APBA1: variants seen among roughly 807,000 people sequenced by gnomAD.
The protein encoded by APBA1 is amyloid-beta A4 precursor protein-binding family A member 1.
In APBA1, 55 loss-of-function variants were observed where a neutral mutation model predicts 86.6. That is an observed-to-expected ratio of 0.64 (90% CI 0.51 to 0.80). The LOEUF (loss-of-function observed/expected upper bound fraction) is 0.80. Ranked by LOEUF, APBA1 falls within the 30% of genes least tolerant of loss-of-function variation. APBA1 has a pLI of 0.00. For missense variants in APBA1, 1,090 were observed against 1,183.0 expected (o/e 0.92, Z 1.15); for synonymous variants, 511 against 493.9 (o/e 1.03, Z -0.46).
At chr9:69,631,620 G>T (rs912633881) in intron 1 of APBA1, among the ~76,000 whole-genome samples, 26 of 152,178 alleles carry the variant, frequency 1.7e-4, no homozygotes, top group African/African-American at 6.0e-4. Flanking sequence ...TGTTTATTGC[G>T]GCACTATTCA....
intron 2 of APBA1, among the ~76,000 whole-genome samples, chr9:69,491,215 A>T (rs1376759427): frequency 6.6e-6 from 1 of 152,118 alleles, no homozygotes; most frequent in Non-Finnish European, 1.5e-5. Context: ...CAAATGTCCA[A>T]CAATGATAGA....
At chr9:69,642,741 A>G (rs1051189107) in intron 1 of APBA1, among the ~76,000 whole-genome samples, 11 of 151,898 alleles carry the variant, frequency 7.2e-5, no homozygotes, top group Non-Finnish European at 1.5e-4. Flanking sequence ...GACTTTGAGT[A>G]AAGCAGATTG....
At chr9:69,604,499 T>G (rs1588389489) in intron 1 of APBA1, among the ~76,000 whole-genome samples, 2 of 122,218 alleles carry the variant, frequency 1.6e-5, no homozygotes, top group Admixed American at 1.7e-4. Context: ...GAGAGGCACA[T>G]GAGTGTGGGC....
At chr9:69,648,207 T>C (rs1823428000) in intron 1 of APBA1, among the ~76,000 whole-genome samples, 1 of 152,182 alleles carries the variant, frequency 6.6e-6, no homozygotes, top group Admixed American at 6.5e-5. Flanking sequence ...AAGAGCAGTG[T>C]CCTTGGGGAA....
chr9:69,494,924 A>G (rs10217407), intron 2 of APBA1, among the ~76,000 whole-genome samples: 23,302 of 152,112 alleles, frequency 0.15, 2,470 homozygotes, highest in East Asian at 0.28. Context: ...CAGTTCTTAC[A>G]TGCAAGGCAC....
At chr9:69,535,027 C>T (rs965574067) in intron 1 of APBA1, among the ~76,000 whole-genome samples, 11 of 152,094 alleles carry the variant, frequency 7.2e-5, no homozygotes, top group Admixed American at 6.6e-4. Context: ...CCCCTTCTAC[C>T]TCCCACCTGC....
intron 1 of APBA1, among the ~76,000 whole-genome samples, chr9:69,601,024 A>G (rs1822341158): frequency 6.6e-6 from 1 of 151,986 alleles, no homozygotes; most frequent in Admixed American, 6.5e-5. Flanking sequence ...AGGTATCCCT[A>G]GTATAATTTT....
intron 1 of APBA1, among the ~76,000 whole-genome samples, chr9:69,658,162 C>T (rs955887756): frequency 2.0e-5 from 3 of 152,164 alleles, no homozygotes; most frequent in Admixed American, 6.5e-5. Context: ...TAATAGCTCC[C>T]TTGGTTACCC....
intron 1 of APBA1, among the ~76,000 whole-genome samples, chr9:69,571,689 TTC>T (rs1249140154): frequency 2.0e-5 from 3 of 152,252 alleles, no homozygotes; most frequent in African/African-American, 7.2e-5. Flanking sequence ...TTAAATTTTT[TTC>T]TGTTTCTAGT....
rs1564099121 is a variant in APBA1, at chr9:69,636,987, A to AAAGAAAGAAAGAAAG, written c.-70+35165_-70+35166insCTTTCTTTCTTTCTT. Among the ~76,000 whole-genome samples the AAAGAAAGAAAGAAAG allele has an allele frequency of 1.9e-4, 18 of 96,412 alleles. 1 individual carries two copies. Among genetic ancestry groups the AAAGAAAGAAAGAAAG allele is most frequent in the South Asian group, 3.5e-4 (1 of 2,828 alleles). The allele number at this position is 96,412 out of a possible 152,430, so 63.3% of individuals were successfully genotyped here. ...AGAAAGAAAGAAAGAAAGAAAGAAA[A>AAAGAAAGAAAGAAAG]ATGTGATACATATACACAGTGGAGT... On this transcript the variant is annotated intron_variant, in intron 1 of 12. Transcript: ENST00000265381.
intron 1 of APBA1, among the ~76,000 whole-genome samples, chr9:69,596,212 C>T (rs1822225217): frequency 1.3e-5 from 2 of 152,288 alleles, no homozygotes; most frequent in South Asian, 4.1e-4. Context: ...GCATTGAACT[C>T]CTGGGCTCAA....
intron 2 of APBA1, among the ~76,000 whole-genome samples, chr9:69,499,945 G>C (rs2046921017): frequency 6.6e-6 from 1 of 152,086 alleles, no homozygotes; most frequent in Admixed American, 6.6e-5. Context: ...ATGGTTTCCT[G>C]CTTCAAAATA....
intron 1 of APBA1, among the ~76,000 whole-genome samples, chr9:69,547,363 G>T (rs529072479): frequency 1.3e-5 from 2 of 152,296 alleles, no homozygotes; most frequent in South Asian, 4.2e-4. Context: ...AGGCAACAGG[G>T]ACAGGGCATA....
At chr9:69,627,199 C>CA (rs1455392652) in intron 1 of APBA1, among the ~76,000 whole-genome samples, 4 of 152,130 alleles carry the variant, frequency 2.6e-5, no homozygotes, top group Admixed American at 1.3e-4. Flanking sequence ...TTTAAATACC[C>CA]AAAAAATTAC....
At chr9:69,627,869 C>T (rs1403133288) in intron 1 of APBA1, among the ~76,000 whole-genome samples, 2 of 152,162 alleles carry the variant, frequency 1.3e-5, no homozygotes, top group African/African-American at 4.8e-5. Context: ...GATGCAACGG[C>T]TAACAGGCAC....
At position 69,431,450 on chromosome 9, in the gene APBA1, C is replaced by T. The variant is rs376428395; in HGVS notation, c.2443-52G>A. 198 of 1,525,766 alleles carry T rather than the reference C, an allele frequency of 1.3e-4. 1 individual carries two copies. In the African/African-American group the frequency reaches 1.9e-3, roughly 15 times the overall value. 94.5% of individuals were successfully genotyped at this position (1,525,766 alleles called of 1,614,324 possible). A position where few individuals can be genotyped will look rare whatever the true frequency, so the allele number is the denominator to read the frequency against. On this transcript the variant is annotated intron_variant, in intron 12 of 12. Coordinates refer to ENST00000265381, the MANE Select transcript of APBA1 (RefSeq NM_001163.4). ...GGGGGCTGAGGCTGGGGGCTGGCTG[C>T]GTGGGCACTGCCCAGGGCTGGCCAG... is the stretch of plus-strand genomic sequence containing the variant.
chr9:69,451,646 T>C (rs1271723106), intron 9 of APBA1, among the ~76,000 whole-genome samples: 3 of 152,168 alleles, frequency 2.0e-5, no homozygotes, highest in African/African-American at 7.2e-5. Flanking sequence ...GATAGCCTCA[T>C]CTTCCTACAG....
In APBA1 at chr9:69,482,807, A is replaced by G. The variant is rs556190413; in HGVS notation, c.1201-6664T>C. 8.4e-4 allele frequency among the ~76,000 whole-genome samples: 128 copies of G among 151,982 alleles called. 1 individual carries two copies. Among genetic ancestry groups the G allele is most frequent in the African/African-American group, 3.0e-3 (123 of 41,446 alleles). On this transcript the variant is annotated intron_variant, in intron 2 of 12. Coordinates refer to ENST00000265381, the MANE Select transcript of APBA1 (RefSeq NM_001163.4). ...TACTATGCAGCCATAAAAAATGATG[A>G]GTTCATGTCCTTTGTAGGGACATGG...
intron 1 of APBA1, among the ~76,000 whole-genome samples, chr9:69,560,039 G>A (rs1282637455): frequency 1.3e-5 from 2 of 152,142 alleles, no homozygotes; most frequent in Non-Finnish European, 2.9e-5. Flanking sequence ...AGCCCTTGAG[G>A]AGGTCAGCAA....
Sources: gnomAD v4.1 joint callset for allele counts (sites outside exome capture counted in the v4.1 genomes callset) on GRCh38, gnomAD v4.1.1 for gene constraint, MANE v1.5 for transcripts, NCBI Gene and HGNC (gene_info 2026-07-23, HGNC 2026-07-21) for gene names.